Variants in DPY19L4 observed in about 807,000 individuals in gnomAD.
The protein encoded by DPY19L4 is dpy-19 like 4.
DPY19L4 carries 97 observed loss-of-function variants against 102.8 expected under a neutral mutation model. That is an observed-to-expected ratio of 0.94 (90% confidence interval 0.80 to 1.12). The LOEUF (loss-of-function observed/expected upper bound fraction) is 1.12. Ranked by LOEUF, DPY19L4 falls within the 50% of genes most tolerant of loss-of-function variation. The pLI is 0.00. For missense variants in DPY19L4, 815 were observed against 850.4 expected (o/e 0.96, Z 0.52); for synonymous variants, 252 against 283.1 (o/e 0.89, Z 1.10).
At chr8:94,777,090 CAG>C (rs574441201) in intron 13 of DPY19L4, among the ~76,000 whole-genome samples, 241 of 151,594 alleles carry the variant, frequency 1.6e-3, no homozygotes, top group African/African-American at 5.3e-3. Flanking sequence ...TTTTTTAAGA[CAG>C]AGTCTCGCTT....
intron 11 of DPY19L4, 139 bp downstream of exon 11, chr8:94,766,824 A>G (rs932514401): frequency 3.6e-5 from 24 of 675,550 alleles, no homozygotes; most frequent in Non-Finnish European, 5.9e-5. Context: ...GATTGTGACC[A>G]CTTGAGTCCA....
intron 7 of DPY19L4, 119 bp downstream of exon 7, chr8:94,756,278 TTAC>T: frequency 7.4e-7 from 1 of 1,343,720 alleles, no homozygotes; most frequent in South Asian, 1.5e-5. Flanking sequence ...TGAAGCCTGG[TTAC>T]TACATAATAA....
intron 3 of DPY19L4, among the ~76,000 whole-genome samples, chr8:94,737,640 G>A (rs1385069824): frequency 1.3e-5 from 2 of 151,790 alleles, no homozygotes; most frequent in Non-Finnish European, 2.9e-5. Context: ...AAAATTAGCC[G>A]GGCGTGGTGG....
At chr8:94,725,017 T>A (rs1439880836) in intron 1 of DPY19L4, among the ~76,000 whole-genome samples, 1 of 152,022 alleles carries the variant, frequency 6.6e-6, no homozygotes, top group East Asian at 1.9e-4. Flanking sequence ...GCTTTTTTTT[T>A]ATCACTATGC....
rs1027845863 is a variant in DPY19L4 at position 94,791,999 on chromosome 8, A to G, written c.*2089A>G. On this transcript the variant is annotated 3_prime_UTR_variant, in exon 19 of 19. Transcript: ENST00000414645. ...TAGTACTAGACAACTTTAAGTGGAA[A>G]GCATTTAGTTTATTTCTTCACTTAT... is the stretch of plus-strand genomic sequence containing the variant. The G allele has an allele frequency of 6.6e-6, 1 of 152,156 alleles. No homozygotes were observed. The highest frequency in any genetic ancestry group is 1.5e-5 in the Non-Finnish European group (1 of 68,026). 9.4% of individuals were successfully genotyped at this position (152,156 alleles called of 1,614,324 possible).
chr8:94,764,102 T>G (rs1408733705), intron 8 of DPY19L4, among the ~76,000 whole-genome samples: 2 of 152,218 alleles, frequency 1.3e-5, no homozygotes. Flanking sequence ...CAGTATATTT[T>G]CACTGGGTAG....
chr8:94,725,929 G>A (rs113643145), intron 1 of DPY19L4, among the ~76,000 whole-genome samples: 3 of 152,120 alleles, frequency 2.0e-5, no homozygotes, highest in Admixed American at 1.3e-4. Context: ...GAGCCACAGC[G>A]CCCGGCTATG....
intron 6 of DPY19L4, among the ~76,000 whole-genome samples, chr8:94,754,354 C>T (rs866260606): frequency 2.0e-5 from 3 of 152,134 alleles, no homozygotes; most frequent in South Asian, 4.1e-4. Flanking sequence ...GCTGTGATAA[C>T]GTGCCGAGCC....
intron 7 of DPY19L4, among the ~76,000 whole-genome samples, chr8:94,759,145 G>A (rs775240815): frequency 5.3e-5 from 8 of 152,254 alleles, no homozygotes; most frequent in East Asian, 1.9e-4. Flanking sequence ...TGTGACGAGC[G>A]AAAGAACAAA....
chr8:94,764,689 G>GTGTGTGTGTGTGTGTATATATA (rs1415377058), intron 8 of DPY19L4, among the ~76,000 whole-genome samples: 4 of 43,208 alleles, frequency 9.3e-5, no homozygotes, highest in African/African-American at 4.6e-4. Flanking sequence ...GTCTGTGTGT[G>GTGTGTGTGTGTGTGTATATATA]TATATATATA....
rs1281613188 is a variant in DPY19L4 at position 94,781,180 on chromosome 8, T to C, written c.1715+14T>C. 1 of 1,551,802 alleles carries C rather than the reference T, an allele frequency of 6.4e-7. No individual in the cohort carries two copies. Among genetic ancestry groups the C allele is most frequent in the Admixed American group, 2.1e-5 (1 of 48,126 alleles). On this transcript the variant is annotated intron_variant, in intron 16 of 18. Transcript: ENST00000414645. ...GACCTGGATAAAGTAAGGATTGAAG[T>C]GCCCAAGACTATTATTAAGCTATTA...
intron 2 of DPY19L4, among the ~76,000 whole-genome samples, chr8:94,727,139 G>A (rs1257034812): frequency 6.6e-6 from 1 of 152,166 alleles, no homozygotes; most frequent in African/African-American, 2.4e-5. Flanking sequence ...TTTTATGTCG[G>A]GGGTTCCCCA....
chr8:94,722,826 C>A (rs181875706), intron 1 of DPY19L4, among the ~76,000 whole-genome samples: 87 of 152,260 alleles, frequency 5.7e-4, no homozygotes, highest in Non-Finnish European at 6.0e-4. Context: ...ATCTTGCTTA[C>A]CATTCACATT....
chr8:94,746,871 TTTTCTTGC>T (rs917048179), intron 6 of DPY19L4, among the ~76,000 whole-genome samples: 1 of 151,794 alleles, frequency 6.6e-6, no homozygotes, highest in African/African-American at 2.4e-5. Flanking sequence ...CATTCGTTTC[TTTTCTTGC>T]TTTCTTTCTT....
intron 11 of DPY19L4, among the ~76,000 whole-genome samples, chr8:94,767,328 C>G (rs562688384): frequency 2.6e-4 from 37 of 141,320 alleles, no homozygotes; most frequent in Non-Finnish European, 4.4e-4. Flanking sequence ...GAGTCTTACT[C>G]TGTTGCCCAG....
rs75768977 is a variant in DPY19L4 at position 94,739,706 on chromosome 8, T to C, written c.527T>C (p.Val176Ala). The change falls in exon 6 of 19, where the codon GTT (valine) becomes GCT (alanine). Residue 176 changes from valine (V) to alanine (A), a missense_variant. Transcript: ENST00000414645. ...GTTTTTGGATTGCAAGGAATATATGTTACTGCTTTATTTGTTACAAGTTGG... is the reference window on the plus strand; with the variant it reads ...GTTTTTGGATTGCAAGGAATATATGCTACTGCTTTATTTGTTACAAGTTGG... ...GIVFGLQGIY[V>A]TALFVTSWLM... 3,284 of 1,613,986 alleles carry C rather than the reference T, an allele frequency of 2.0e-3. 61 individuals are homozygous for C. The African/African-American group carries it at 0.036, about 18-fold the overall frequency.
intron 7 of DPY19L4, among the ~76,000 whole-genome samples, chr8:94,758,232 T>C (rs755840373): frequency 1.4e-4 from 22 of 152,166 alleles, no homozygotes; most frequent in Non-Finnish European, 2.4e-4. Flanking sequence ...TGGCGTGATC[T>C]AGGCTTACTA....
At chr8:94,779,556 T>A (rs772425997) in intron 14 of DPY19L4, among the ~76,000 whole-genome samples, 1 of 151,944 alleles carries the variant, frequency 6.6e-6, no homozygotes, top group Admixed American at 6.6e-5. Flanking sequence ...CTCAAACTCC[T>A]GGACTCAAGC....
intron 13 of DPY19L4, among the ~76,000 whole-genome samples, chr8:94,773,109 G>A (rs1813000935): frequency 6.6e-6 from 1 of 151,556 alleles, no homozygotes; most frequent in African/African-American, 2.4e-5. Context: ...AGCTACTTGG[G>A]AGGCTAAGGC....
Sources: gnomAD v4.1 joint callset for allele counts (sites outside exome capture counted in the v4.1 genomes callset) on GRCh38, gnomAD v4.1.1 for gene constraint, MANE v1.5 for transcripts, NCBI Gene and HGNC (gene_info 2026-07-23, HGNC 2026-07-21) for gene names.